Variants in PSD3 observed in about 807,000 individuals in gnomAD.
The protein encoded by PSD3 is PH and SEC7 domain-containing protein 3.
Under a neutral mutation model 105.5 loss-of-function variants are expected in PSD3, and 49 were observed. The ratio of observed to expected loss-of-function variants is 0.46; its 90% confidence interval spans 0.37 to 0.59. The LOEUF (loss-of-function observed/expected upper bound fraction) is 0.59, where lower values mean the gene tolerates loss of function less well. Ranked by LOEUF, PSD3 falls within the 20% of genes least tolerant of loss-of-function variation. PSD3 has a pLI of 0.00. For synonymous variants in PSD3, 557 were observed against 457.8 expected (o/e 1.22, Z -2.77); for missense variants, 1,561 against 1,263.8 (o/e 1.24, Z -3.57).
intron 8 of PSD3, among the ~76,000 whole-genome samples, chr8:18,780,983 G>C (rs138698030): frequency 1.4e-3 from 212 of 152,146 alleles, no homozygotes; most frequent in Non-Finnish European, 2.2e-3. Flanking sequence ...TCCTTGCTTT[G>C]GAAAGCATTT....
chr8:18,760,847 A>G (rs1243205221), intron 9 of PSD3, among the ~76,000 whole-genome samples: 2 of 152,192 alleles, frequency 1.3e-5, no homozygotes, highest in Non-Finnish European at 2.9e-5. Context: ...CAGAATCCCA[A>G]CAATTCCTGG....
At chr8:18,658,611 A>T (rs1173462833) in intron 9 of PSD3, among the ~76,000 whole-genome samples, 2 of 149,034 alleles carry the variant, frequency 1.3e-5, no homozygotes, top group South Asian at 2.1e-4. Context: ...CAGCCTCAAA[A>T]TCCTGGGCTC....
At chr8:18,971,635 C>T (rs1326120984) in intron 1 of PSD3, among the ~76,000 whole-genome samples, 1 of 152,080 alleles carries the variant, frequency 6.6e-6, no homozygotes, top group Non-Finnish European at 1.5e-5. Flanking sequence ...AGGAAGGGGA[C>T]CTGGCACATA....
intron 10 of PSD3, among the ~76,000 whole-genome samples, chr8:18,643,648 C>T (rs1447494571): frequency 6.6e-6 from 1 of 152,190 alleles, no homozygotes; most frequent in African/African-American, 2.4e-5. Flanking sequence ...GGGAAAACAA[C>T]ATTAAGACTT....
chr8:18,787,027 T>G (rs1052112678), intron 8 of PSD3, among the ~76,000 whole-genome samples: 9 of 152,342 alleles, frequency 5.9e-5, no homozygotes, highest in South Asian at 2.1e-4. Context: ...CTCCTTGTCA[T>G]GTACCAGGCT....
chr8:18,596,294 T>C (rs1034879205), intron 12 of PSD3, among the ~76,000 whole-genome samples: 6 of 151,870 alleles, frequency 4.0e-5, no homozygotes, highest in South Asian at 2.1e-4. Context: ...CACTTAACAT[T>C]AGAAAAGAAG....
chr8:18,702,724 T>G (rs1801661614), intron 9 of PSD3, among the ~76,000 whole-genome samples: 1 of 152,060 alleles, frequency 6.6e-6, no homozygotes, highest in Non-Finnish European at 1.5e-5. Context: ...ACCATTTTCC[T>G]GCCTCAGCCT....
intron 15 of PSD3, among the ~76,000 whole-genome samples, chr8:18,538,110 A>G (rs1360487598): frequency 6.6e-6 from 1 of 152,256 alleles, no homozygotes; most frequent in Non-Finnish European, 1.5e-5. Flanking sequence ...GGAGAGAGCC[A>G]TGTTGACATG....
chr8:18,599,629 G>C (rs529667180), intron 12 of PSD3, among the ~76,000 whole-genome samples: 1 of 152,286 alleles, frequency 6.6e-6, no homozygotes, highest in South Asian at 2.1e-4. Context: ...CCCTTAAAGA[G>C]AATGGGCTTG....
chr8:18,643,357 T>A (rs552553817), intron 10 of PSD3, among the ~76,000 whole-genome samples: 1 of 152,250 alleles, frequency 6.6e-6, no homozygotes, highest in Non-Finnish European at 1.5e-5. Flanking sequence ...ATTCTGTCTG[T>A]GGCCTCTGAA....
chr8:18,893,019 A>G (rs1438022151), intron 2 of PSD3, among the ~76,000 whole-genome samples: 1 of 152,190 alleles, frequency 6.6e-6, no homozygotes, highest in African/African-American at 2.4e-5. Flanking sequence ...AATGTCCAAG[A>G]AGTCAGTGAT....
intron 9 of PSD3, among the ~76,000 whole-genome samples, chr8:18,659,071 A>C (rs1384719689): frequency 6.6e-6 from 1 of 152,136 alleles, no homozygotes; most frequent in East Asian, 1.9e-4. Flanking sequence ...TGGCTAGGAG[A>C]AAGTTCTATG....
intron 9 of PSD3, among the ~76,000 whole-genome samples, chr8:18,723,959 C>T (rs1803170964): frequency 6.6e-6 from 1 of 152,074 alleles, no homozygotes; most frequent in African/African-American, 2.4e-5. Flanking sequence ...AGGAAGCTTC[C>T]AGTAGTCACA....
intron 9 of PSD3, among the ~76,000 whole-genome samples, chr8:18,674,285 C>G (rs1421327509): frequency 2.6e-5 from 4 of 152,198 alleles, no homozygotes; most frequent in African/African-American, 9.7e-5. Flanking sequence ...TAGCCAGTGG[C>G]CCCCAGTTCC....
At chr8:18,901,807 C>T (rs1819519970) in intron 2 of PSD3, among the ~76,000 whole-genome samples, 1 of 152,130 alleles carries the variant, frequency 6.6e-6, no homozygotes, top group African/African-American at 2.4e-5. Context: ...GCATAGTATT[C>T]CTGGCTGGCA....
intron 12 of PSD3, among the ~76,000 whole-genome samples, chr8:18,576,434 G>T (rs1486669258): frequency 3.3e-5 from 5 of 151,948 alleles, no homozygotes; most frequent in Admixed American, 3.3e-4. Context: ...GATGAATAAA[G>T]GAGAATTTAA....
intron 9 of PSD3, among the ~76,000 whole-genome samples, chr8:18,753,479 T>A (rs1805770917): frequency 6.6e-6 from 1 of 152,172 alleles, no homozygotes; most frequent in African/African-American, 2.4e-5. Flanking sequence ...AAGATCTGGA[T>A]AATGTGGCTT....
intron 11 of PSD3, among the ~76,000 whole-genome samples, chr8:18,624,365 T>A (rs576042809): frequency 2.6e-5 from 4 of 152,068 alleles, no homozygotes; most frequent in African/African-American, 9.6e-5. Flanking sequence ...GAATATGTCT[T>A]CATATATGTA....
chr8:18,616,393 T>G (rs1388677801), intron 11 of PSD3, among the ~76,000 whole-genome samples: 1 of 152,192 alleles, frequency 6.6e-6, no homozygotes, highest in Non-Finnish European at 1.5e-5. Context: ...TGGGGGAGAT[T>G]TGCATCTGTG....
Sources: gnomAD v4.1 joint callset for allele counts (sites outside exome capture counted in the v4.1 genomes callset) on GRCh38, gnomAD v4.1.1 for gene constraint, MANE v1.5 for transcripts, NCBI Gene and HGNC (gene_info 2026-07-23, HGNC 2026-07-21) for gene names.